Variants in STK10 observed in about 807,000 individuals in gnomAD.
The protein encoded by STK10 is serine/threonine-protein kinase 10.
A neutral mutation model predicts 113.8 loss-of-function variants in STK10; 78 were observed. That is an observed-to-expected ratio of 0.69 (90% CI 0.57 to 0.83). The LOEUF is 0.83. Among genes scored for constraint, STK10 ranks in the 40% least tolerant of loss-of-function variants. The pLI is 0.00. For synonymous variants in STK10, 465 were observed against 494.7 expected, an observed-to-expected ratio of 0.94 and a Z score of 0.80; for missense variants, 1,109 against 1,280.1, an observed-to-expected ratio of 0.87 and a Z score of 2.04.
At chr5:172,106,408 A>AAAAAAAAAAG (rs1561810029) in intron 6 of STK10, among the ~76,000 whole-genome samples, 2,010 of 142,614 alleles carry the variant, frequency 0.014, 106 homozygotes, top group African/African-American at 0.048. Flanking sequence ...TCTCAAAAAA[A>AAAAAAAAAAG]AAAAAAAAAA....
chr5:172,098,166 T>C (rs1768900301), intron 7 of STK10, among the ~76,000 whole-genome samples: 1 of 152,244 alleles, frequency 6.6e-6, no homozygotes. Context: ...AACAAATTTC[T>C]AGCACCTGGA....
intron 3 of STK10, among the ~76,000 whole-genome samples, chr5:172,118,878 C>CAA (rs3028101): frequency 0.071 from 5,058 of 71,160 alleles, 245 homozygotes; most frequent in African/African-American, 0.095. Flanking sequence ...GACTCAGTCT[C>CAA]AAAAAAAAAA....
intron 1 of STK10, among the ~76,000 whole-genome samples, chr5:172,159,815 T>C (rs1035282246): frequency 2.7e-5 from 4 of 146,890 alleles, no homozygotes; most frequent in Non-Finnish European, 6.0e-5. Context: ...AAAGCAAAAC[T>C]CTGTCTCAAA....
intron 13 of STK10, among the ~76,000 whole-genome samples, chr5:172,063,935 C>T (rs182993735): frequency 1.2e-4 from 19 of 152,194 alleles, no homozygotes; most frequent in South Asian, 8.3e-4. Context: ...AGGAGCATTC[C>T]GGCAAAGGAT....
chr5:172,054,527 G>C (rs748100176), intron 17 of STK10, 42 bp downstream of exon 17: 12 of 1,593,134 alleles, frequency 7.5e-6, no homozygotes, highest in Admixed American at 3.4e-5. Context: ...TGGGGAAACT[G>C]AGGCAGCCTG....
chr5:172,053,144 C>A, intron 17 of STK10, 102 bp from the exon 18 acceptor site: 2 of 830,370 alleles, frequency 2.4e-6, no homozygotes, highest in East Asian at 2.6e-5. Context: ...CAGCATCGTT[C>A]ATTTATTATT....
intron 8 of STK10, among the ~76,000 whole-genome samples, chr5:172,094,979 T>C (rs1768813871): frequency 6.6e-6 from 1 of 152,214 alleles, no homozygotes; most frequent in Non-Finnish European, 1.5e-5. Context: ...AGTATCCATG[T>C]AGCCACTTTC....
chr5:172,182,230 A>G (rs1770869896), intron 1 of STK10, among the ~76,000 whole-genome samples: 1 of 149,284 alleles, frequency 6.7e-6, no homozygotes, highest in South Asian at 2.1e-4. Flanking sequence ...TTGAACCTGG[A>G]AAGCGGAGGT....
At chr5:172,048,611 A>G (rs553919035) in intron 18 of STK10, among the ~76,000 whole-genome samples, 2 of 110,254 alleles carry the variant, frequency 1.8e-5, no homozygotes, top group East Asian at 1.9e-4. Context: ...AACCTCTGAT[A>G]CCATCCTAGT....
rs1416486492 is a variant in STK10, at chr5:172,187,680, G to A, written c.156+207C>T. On this transcript the variant is annotated intron_variant, in intron 1 of 18. Transcript: ENST00000176763. This position sits in a 1 kb window ranked among gnomAD's most constrained non-coding sequence, Gnocchi z 4.6. ...AGGGTGGGGGCGGCAACCGTGCCCG[G>A]AGGGGGCGCCCAGAGCGCAGGGACT... Among the ~76,000 whole-genome samples the A allele has an allele frequency of 2.0e-5, 3 of 152,216 alleles. No individual in the cohort carries two copies. Among genetic ancestry groups the A allele is most frequent in the Admixed American group, 6.5e-5 (1 of 15,284 alleles).
At chr5:172,050,107 CATAGTATTTT>C (rs1196967745) in intron 18 of STK10, among the ~76,000 whole-genome samples, 3 of 152,162 alleles carry the variant, frequency 2.0e-5, no homozygotes, top group African/African-American at 7.2e-5. Flanking sequence ...CAGGCCCACT[CATAGTATTTT>C]AGAAAGTTTT....
chr5:172,158,054 T>C (rs1770391087), intron 1 of STK10, among the ~76,000 whole-genome samples: 2 of 152,180 alleles, frequency 1.3e-5, no homozygotes, highest in Non-Finnish European at 2.9e-5. Flanking sequence ...GTCTTCCTTA[T>C]GTGAGGAATA....
At chr5:172,059,964 A>G (rs1208162523) in intron 14 of STK10, among the ~76,000 whole-genome samples, 2 of 152,198 alleles carry the variant, frequency 1.3e-5, no homozygotes, top group Non-Finnish European at 2.9e-5. Flanking sequence ...CCTCAGTGCT[A>G]TGATCTAAAC....
chr5:172,137,527 TACTC>T (rs541199495), intron 2 of STK10, among the ~76,000 whole-genome samples: 2 of 151,726 alleles, frequency 1.3e-5, no homozygotes, highest in African/African-American at 4.8e-5. Flanking sequence ...TCATGAGAAA[TACTC>T]AACAAACAAA....
intron 10 of STK10, among the ~76,000 whole-genome samples, chr5:172,088,681 T>C (rs532599080): frequency 1.3e-5 from 2 of 152,222 alleles, no homozygotes; most frequent in South Asian, 4.2e-4. Flanking sequence ...TCCCTAAGTG[T>C]TAAGCTCCCC....
intron 7 of STK10, among the ~76,000 whole-genome samples, chr5:172,101,930 G>A (rs1336908761): frequency 2.0e-5 from 3 of 151,294 alleles, no homozygotes; most frequent in African/African-American, 4.9e-5. Context: ...AGTGAGGCTG[G>A]AGTGTGGGAG....
At chr5:172,061,395 G>A in intron 13 of STK10, 127 bp from the exon 14 acceptor site, 1 of 1,370,916 alleles carries the variant, frequency 7.3e-7, no homozygotes, top group Non-Finnish European at 9.7e-7. Context: ...AGAAATTGGT[G>A]GAGGAGAAAT....
chr5:172,125,425 C>T (rs1481781114), intron 3 of STK10, among the ~76,000 whole-genome samples: 1 of 151,764 alleles, frequency 6.6e-6, no homozygotes, highest in Non-Finnish European at 1.5e-5. Flanking sequence ...CACTCTGTCG[C>T]CCAGGCTGGA....
At chr5:172,069,006 T>C (rs1267906186) in intron 12 of STK10, among the ~76,000 whole-genome samples, 1 of 152,044 alleles carries the variant, frequency 6.6e-6, no homozygotes, top group Admixed American at 6.6e-5. Context: ...TCTAAATAGA[T>C]GCTGAGATAG....
Sources: allele counts gnomAD v4.1 joint callset (sites outside exome capture counted in the v4.1 genomes callset), GRCh38; gene constraint gnomAD v4.1.1; non-coding constraint Gnocchi (gnomAD v3.1); transcripts MANE v1.5; gene names NCBI Gene and HGNC (gene_info 2026-07-23, HGNC 2026-07-21).